NPSR1: variants seen among roughly 807,000 people sequenced by gnomAD.
The protein encoded by NPSR1 is neuropeptide S receptor.
In NPSR1, 48 loss-of-function variants were observed where a neutral mutation model predicts 46.9. The ratio of observed to expected loss-of-function variants is 1.02; its 90% CI spans 0.81 to 1.30. The LOEUF (loss-of-function observed/expected upper bound fraction) is 1.30, where lower values mean the gene tolerates loss of function less well. Ranked by LOEUF, NPSR1 falls within the 50% of genes most tolerant of loss-of-function variation. The pLI is 0.00. For missense variants in NPSR1, 450 were observed against 449.5 expected (o/e 1.00, Z -0.01); for synonymous variants, 176 against 168.1 (o/e 1.05, Z -0.36).
chr7:34,778,426 A>G (rs1423037300), intron 2 of NPSR1, 36 bp from the exon 3 acceptor site: 1 of 1,197,094 alleles, frequency 8.4e-7, no homozygotes. Context: ...AAATAAAAAT[A>G]AACCCTGAAT....
At position 34,811,755 on chromosome 7, in the gene NPSR1, C is replaced by T; in HGVS notation, c.385-15C>T. 1 of 1,581,590 alleles carries T rather than the reference C, an allele frequency of 6.3e-7. No individual in the cohort carries two copies. The highest frequency in any genetic ancestry group is 8.7e-7 in the Non-Finnish European group (1 of 1,155,910). ...CTCTCTGAAGTCATAAGCTTCCTCTCATTTCTGTCTTTAGGTTGTGCTGCT... is the reference window on the plus strand; with the variant it reads ...CTCTCTGAAGTCATAAGCTTCCTCTTATTTCTGTCTTTAGGTTGTGCTGCT... On this transcript the variant is annotated splice_polypyrimidine_tract_variant and intron_variant, in intron 3 of 8. Coordinates refer to ENST00000360581, the MANE Select transcript of NPSR1 (RefSeq NM_207172.2).
At chr7:34,809,679 G>A (rs1034985626) in intron 3 of NPSR1, among the ~76,000 whole-genome samples, 27 of 152,044 alleles carry the variant, frequency 1.8e-4, no homozygotes, top group African/African-American at 5.8e-4. Context: ...TAGCCGGGAT[G>A]GTCTGGATCT....
chr7:34,791,034 A>C (rs1455195132), intron 3 of NPSR1, among the ~76,000 whole-genome samples: 1 of 121,558 alleles, frequency 8.2e-6, no homozygotes, highest in Admixed American at 9.4e-5. Context: ...TATATGTTAT[A>C]TATTATATTA....
chr7:34,773,385 T>A (rs891352861), intron 2 of NPSR1, among the ~76,000 whole-genome samples: 1 of 152,154 alleles, frequency 6.6e-6, no homozygotes, highest in African/African-American at 2.4e-5. Context: ...CCTTCACAAT[T>A]AAGTGGGTCC....
At chr7:34,798,604 A>G (rs567661926) in intron 3 of NPSR1, among the ~76,000 whole-genome samples, 1 of 152,348 alleles carries the variant, frequency 6.6e-6, no homozygotes, top group East Asian at 1.9e-4. Flanking sequence ...GTTAAAGTGA[A>G]CTGAACTATT....
intron 3 of NPSR1, among the ~76,000 whole-genome samples, chr7:34,790,174 T>C (rs1468008606): frequency 6.6e-6 from 1 of 152,146 alleles, no homozygotes; most frequent in Non-Finnish European, 1.5e-5. Context: ...TTATTCACCA[T>C]GATTAAGTGT....
intron 8 of NPSR1, among the ~76,000 whole-genome samples, chr7:34,871,093 T>TA (rs1791443279): frequency 6.6e-6 from 1 of 151,818 alleles, no homozygotes; most frequent in Non-Finnish European, 1.5e-5. Context: ...AACTTACAGA[T>TA]AAAACAGATT....
intron 2 of NPSR1, among the ~76,000 whole-genome samples, chr7:34,715,545 T>G (rs1783519939): frequency 6.6e-6 from 1 of 152,158 alleles, no homozygotes; most frequent in South Asian, 2.1e-4. Context: ...TTCAGGCCAA[T>G]GAAATGTGAG....
At chr7:34,746,996 G>A (rs891402281) in intron 2 of NPSR1, among the ~76,000 whole-genome samples, 1 of 152,072 alleles carries the variant, frequency 6.6e-6, no homozygotes, top group Non-Finnish European at 1.5e-5. Flanking sequence ...ATGGTGGAAC[G>A]CACCTGCAGT....
intron 2 of NPSR1, among the ~76,000 whole-genome samples, chr7:34,706,343 A>G (rs1430445408): frequency 6.9e-6 from 1 of 145,330 alleles, no homozygotes; most frequent in Non-Finnish European, 1.5e-5. Flanking sequence ...ATTTATTTTA[A>G]TCTTATCTTC....
At chr7:34,799,042 G>A (rs985681846) in intron 3 of NPSR1, among the ~76,000 whole-genome samples, 3 of 151,936 alleles carry the variant, frequency 2.0e-5, no homozygotes, top group Admixed American at 1.3e-4. Context: ...TAGGCCTTAG[G>A]AAACTAGAGA....
At chr7:34,780,519 C>G (rs937220859) in intron 3 of NPSR1, among the ~76,000 whole-genome samples, 8 of 152,074 alleles carry the variant, frequency 5.3e-5, no homozygotes, top group African/African-American at 1.9e-4. Context: ...ATATCAGAAT[C>G]AAATTTGTAA....
intron 5 of NPSR1, among the ~76,000 whole-genome samples, chr7:34,829,264 C>G (rs1177085794): frequency 6.6e-6 from 1 of 152,196 alleles, no homozygotes; most frequent in East Asian, 1.9e-4. Context: ...AAAAGCCAAC[C>G]CAGCAGCCTT....
intron 2 of NPSR1, among the ~76,000 whole-genome samples, chr7:34,723,698 G>C (rs1486643369): frequency 6.6e-6 from 1 of 151,886 alleles, no homozygotes; most frequent in Non-Finnish European, 1.5e-5. Context: ...TTGAGAGGGG[G>C]ATCTCACTAT....
chr7:34,832,720 A>G (rs17170015), intron 5 of NPSR1, among the ~76,000 whole-genome samples: 36,330 of 152,080 alleles, frequency 0.24, 4,728 homozygotes, highest in South Asian at 0.41. Context: ...AGCATAAGAC[A>G]TTTCTTAACT....
chr7:34,676,910 G>C (rs1393397220), intron 1 of NPSR1, among the ~76,000 whole-genome samples: 2 of 152,092 alleles, frequency 1.3e-5, no homozygotes, highest in African/African-American at 4.8e-5. Flanking sequence ...TTGATTTATA[G>C]GATTTGCTCA....
At chr7:34,822,601 T>C (rs1251656775) in intron 4 of NPSR1, among the ~76,000 whole-genome samples, 1 of 152,150 alleles carries the variant, frequency 6.6e-6, no homozygotes, top group Non-Finnish European at 1.5e-5. Context: ...CTTTGATAAT[T>C]AAAACAATGC....
chr7:34,760,617 A>T (rs1786124205), intron 2 of NPSR1, among the ~76,000 whole-genome samples: 1 of 152,230 alleles, frequency 6.6e-6, no homozygotes, highest in Non-Finnish European at 1.5e-5. Flanking sequence ...TCATAACTGC[A>T]GAGGAAAAAA....
intron 3 of NPSR1, among the ~76,000 whole-genome samples, chr7:34,781,978 T>G (rs1017457663): frequency 1.3e-5 from 2 of 152,206 alleles, no homozygotes; most frequent in African/African-American, 4.8e-5. Context: ...GCTCTCATTC[T>G]TGTCTCCTTG....
Sources: allele counts gnomAD v4.1 joint callset (sites outside exome capture counted in the v4.1 genomes callset), GRCh38; gene constraint gnomAD v4.1.1; transcripts MANE v1.5; gene names NCBI Gene and HGNC (gene_info 2026-07-23, HGNC 2026-07-21).